The following WWC2 variants were observed in gnomAD, a reference collection of about 807,000 sequenced individuals.
The protein encoded by WWC2 is WW and C2 domain containing 2, also known as protein WWC2.
In WWC2, 101 loss-of-function variants were observed where a neutral mutation model predicts 138.5. The ratio of observed to expected loss-of-function variants is 0.73; its 90% CI spans 0.62 to 0.86. WWC2 has a LOEUF of 0.86. WWC2 is among the 40% of genes least tolerant of loss of function. WWC2 has a pLI of 0.00. For missense variants in WWC2, 1,420 were observed against 1,419.4 expected (o/e 1.00, Z -0.01); for synonymous variants, 558 against 538.4 (o/e 1.04, Z -0.50).
intron 21 of WWC2, among the ~76,000 whole-genome samples, chr4:183,295,090 TAAG>T (rs1255593347): frequency 2.0e-5 from 3 of 151,768 alleles, no homozygotes; most frequent in Non-Finnish European, 4.4e-5. Context: ...AAAAAAAAAT[TAAG>T]AAGGAGTTTC....
chr4:183,286,201 A>G, intron 20 of WWC2, 142 bp downstream of exon 20: 1 of 747,216 alleles, frequency 1.3e-6, no homozygotes, highest in Non-Finnish European at 2.3e-6. Context: ...GGATACACAG[A>G]GACGCAGATG....
In WWC2 at chr4:183,220,659, G is replaced by C. The variant is rs369218764; in HGVS notation, c.522+11634G>C. Among the ~76,000 whole-genome samples the C allele has an allele frequency of 5.8e-3, 884 of 151,148 alleles. 8 individuals carry two copies. Among genetic ancestry groups the C allele is most frequent in the African/African-American group, 0.013 (540 of 41,246 alleles). On this transcript the variant is annotated intron_variant, in intron 4 of 22. Coordinates refer to ENST00000403733, the MANE Select transcript of WWC2 (RefSeq NM_024949.6). The stretch of plus-strand genomic sequence containing the variant: ...ACCATCCTGGCTAACACAGTGAAAC[G>C]CCATCTCTACTAAAAATACAAAAAA...
At chr4:183,282,556 T>TGAA in intron 17 of WWC2, 152 bp from the exon 18 acceptor site, 1 of 733,344 alleles carries the variant, frequency 1.4e-6, no homozygotes, top group Non-Finnish European at 2.2e-6. Context: ...TTTTTTTAAA[T>TGAA]GAGACATTTA....
At chr4:183,228,907 G>A (rs547159412) in intron 4 of WWC2, among the ~76,000 whole-genome samples, 13 of 152,198 alleles carry the variant, frequency 8.5e-5, no homozygotes, top group African/African-American at 3.1e-4. Context: ...GCAAATCAAC[G>A]TACACAACTG....
At chr4:183,273,047 A>C (rs934962446) in intron 16 of WWC2, among the ~76,000 whole-genome samples, 11 of 152,064 alleles carry the variant, frequency 7.2e-5, no homozygotes, top group African/African-American at 2.7e-4. Context: ...AGGTGTTTGC[A>C]CCATTTTGCA....
In WWC2 at chr4:183,233,321, A is replaced by C. The variant is rs554884888; in HGVS notation, c.523-6862A>C. ...AAGGCACCTGCCACCACACCCGGCT[A>C]ATTTTTGTATTTTTTAGTAGAGACA... On this transcript the variant is annotated intron_variant, in intron 4 of 22. Transcript: ENST00000403733. Among the ~76,000 whole-genome samples the C allele has an allele frequency of 9.3e-5, 14 of 151,004 alleles. No individual in the cohort carries two copies. In the East Asian group the frequency reaches 2.8e-3, roughly 30 times the overall value.
chr4:183,262,110 T>TTGTA (rs908662942), intron 11 of WWC2, among the ~76,000 whole-genome samples: 1 of 152,232 alleles, frequency 6.6e-6, no homozygotes, highest in African/African-American at 2.4e-5. Context: ...TTACTAGAGA[T>TTGTA]TGTAGTTCTT....
intron 2 of WWC2, among the ~76,000 whole-genome samples, chr4:183,201,126 G>C (rs1735283585): frequency 6.6e-6 from 1 of 152,146 alleles, no homozygotes; most frequent in Non-Finnish European, 1.5e-5. Flanking sequence ...TGAGAAGTTT[G>C]GACTCTTATT....
intron 21 of WWC2, among the ~76,000 whole-genome samples, chr4:183,304,885 CAG>C (rs1560896415): frequency 6.6e-6 from 1 of 152,284 alleles, no homozygotes; most frequent in South Asian, 2.1e-4. Context: ...AGGCAAAAAA[CAG>C]AGTTTAAAGA....
chr4:183,246,101 A>G (rs973758248), intron 6 of WWC2, among the ~76,000 whole-genome samples: 3 of 152,200 alleles, frequency 2.0e-5, no homozygotes, highest in Admixed American at 1.3e-4. Flanking sequence ...AGATCCCCTT[A>G]CTAAACCTGT....
chr4:183,268,106 A>C (rs904851697), intron 14 of WWC2, among the ~76,000 whole-genome samples: 8 of 152,218 alleles, frequency 5.3e-5, no homozygotes, highest in Non-Finnish European at 4.4e-5. Flanking sequence ...AATACAAAAT[A>C]ATATGACATT....
intron 1 of WWC2, among the ~76,000 whole-genome samples, chr4:183,189,363 G>A (rs1734922419): frequency 6.6e-6 from 1 of 151,940 alleles, no homozygotes; most frequent in Non-Finnish European, 1.5e-5. Flanking sequence ...CTTGAACCAG[G>A]GAGGTGGAGG....
intron 9 of WWC2, among the ~76,000 whole-genome samples, chr4:183,255,877 C>T (rs543481807): frequency 1.4e-5 from 2 of 140,752 alleles, no homozygotes; most frequent in East Asian, 2.0e-4. Flanking sequence ...GCTTTTTTTC[C>T]TTTTTTTTTT....
At chr4:183,305,392 C>T (rs1056902484) in intron 21 of WWC2, among the ~76,000 whole-genome samples, 3 of 152,086 alleles carry the variant, frequency 2.0e-5, no homozygotes, top group African/African-American at 7.2e-5. Context: ...CATTAAACCA[C>T]AGAGCCAGAA....
intron 1 of WWC2, among the ~76,000 whole-genome samples, chr4:183,106,819 C>CA (rs1053723185): frequency 6.6e-6 from 1 of 151,838 alleles, no homozygotes; most frequent in African/African-American, 2.4e-5. Flanking sequence ...TTTGTACTTT[C>CA]ATTAGCTGAT....
intron 9 of WWC2, among the ~76,000 whole-genome samples, 163 bp from the exon 10 acceptor site, chr4:183,259,476 G>C (rs1737254620): frequency 6.6e-6 from 1 of 152,178 alleles, no homozygotes; most frequent in African/African-American, 2.4e-5. Context: ...GGCTCGTGCA[G>C]CTCTGCCCCC....
At chr4:183,229,888 C>T (rs1378155488) in intron 4 of WWC2, among the ~76,000 whole-genome samples, 1 of 151,994 alleles carries the variant, frequency 6.6e-6, no homozygotes, top group African/African-American at 2.4e-5. Flanking sequence ...TGCAGCGGCT[C>T]AATCCGGCTC....
chr4:183,174,618 A>T (rs1734403272), intron 1 of WWC2, among the ~76,000 whole-genome samples: 1 of 152,178 alleles, frequency 6.6e-6, no homozygotes. Context: ...TGTTTACTGG[A>T]AGTTCTTTAA....
At position 183,227,274 on chromosome 4, in the gene WWC2, C is replaced by T. The variant is rs552878079; in HGVS notation, c.523-12909C>T. 5.3e-4 allele frequency among the ~76,000 whole-genome samples: 81 copies of T among 152,132 alleles called. 2 individuals are homozygous for T. In the South Asian group the frequency reaches 0.016, roughly 30 times the overall value. ...ATTTACCTGGATGGTCTGAAAAAGC[C>T]CAAGCTAAACACTTAGCTGTGACAG... On this transcript the variant is annotated intron_variant, in intron 4 of 22. Coordinates refer to ENST00000403733, the MANE Select transcript of WWC2 (RefSeq NM_024949.6).
Sources: allele counts gnomAD v4.1 joint callset (sites outside exome capture counted in the v4.1 genomes callset), GRCh38; gene constraint gnomAD v4.1.1; transcripts MANE v1.5; gene names NCBI Gene and HGNC (gene_info 2026-07-23, HGNC 2026-07-21).